MEF2A: variants seen among roughly 807,000 people sequenced by gnomAD.
MEF2A encodes myocyte enhancer factor 2A, also known as myocyte-specific enhancer factor 2A.
A neutral mutation model predicts 55.8 loss-of-function variants in MEF2A; 28 were observed. The observed-to-expected ratio is 0.50, with a 90% CI of 0.37 to 0.69. The LOEUF (loss-of-function observed/expected upper bound fraction) is 0.69, where lower values mean the gene tolerates loss of function less well. MEF2A is among the 30% of genes least tolerant of loss of function. The pLI is 0.00. For missense variants in MEF2A, 528 were observed against 626.2 expected (o/e 0.84, Z 1.67); for synonymous variants, 239 against 227.1 (o/e 1.05, Z -0.47).
In MEF2A at chr15:99,674,385, A is replaced by G. The variant is rs781586739; in HGVS notation, c.391-8A>G. On this transcript the variant is annotated splice_polypyrimidine_tract_variant and splice_region_variant and intron_variant, in intron 5 of 11. Transcript: ENST00000557942. ...AACAGTTTTTTCCTTCTTTTTCTTT[A>G]TTTACAGCCTGGTCTGCCACCTCAG... The G allele has an allele frequency of 3.2e-6, 5 of 1,584,958 alleles. No individual in the cohort carries two copies. In the South Asian group the frequency reaches 3.4e-5, roughly 11 times the overall value.
chr15:99,572,436 T>G (rs973245675), intron 1 of MEF2A, among the ~76,000 whole-genome samples: 2 of 152,228 alleles, frequency 1.3e-5, no homozygotes, highest in African/African-American at 4.8e-5. Context: ...ATTATTTCCT[T>G]CAAGACAATT....
At chr15:99,667,182 A>G (rs1258260204) in intron 4 of MEF2A, among the ~76,000 whole-genome samples, 1 of 152,060 alleles carries the variant, frequency 6.6e-6, no homozygotes, top group Non-Finnish European at 1.5e-5. Context: ...CACACTCGTA[A>G]GTGGTAAAAT....
intron 1 of MEF2A, among the ~76,000 whole-genome samples, chr15:99,567,626 A>AATGTGTGTGTGTGTGTGT (rs1567124507): frequency 3.6e-4 from 44 of 122,086 alleles, no homozygotes; most frequent in African/African-American, 1.3e-3. Flanking sequence ...TTTTGTATGT[A>AATGTGTGTGTGTGTGTGT]CTGTGTGTGT....
Position 99,712,533 on chromosome 15 carries a change from A to AGCCGCCGCC in MEF2A, c.1282_1283insCGCCGCCGC (p.Gln427_Gln428insProProPro), listed in dbSNP as rs1491470291. On this transcript the variant is annotated inframe_insertion, in exon 12 of 12. Transcript: ENST00000557942. This position sits in a 1 kb window ranked among gnomAD's most constrained non-coding sequence, Gnocchi z 4.1. ...CAGCAGCAGCAGCAGCAGCAGCAGC[A>AGCCGCCGCC]GCAGCCGCCGCCACCACCGCAGCCC... The AGCCGCCGCC allele has an allele frequency of 5.8e-6, 8 of 1,381,202 alleles. No individual in the cohort carries two copies. In the African/African-American group the frequency reaches 1.1e-4, roughly 20 times the overall value. 85.6% of individuals were successfully genotyped at this position (1,381,202 alleles called of 1,614,324 possible).
intron 2 of MEF2A, among the ~76,000 whole-genome samples, chr15:99,629,652 AG>A (rs1392561914): frequency 6.7e-6 from 1 of 150,248 alleles, no homozygotes; most frequent in East Asian, 2.0e-4. Context: ...AGGCAAAAGG[AG>A]AAAAAGGGAA....
In MEF2A at chr15:99,645,555, G is replaced by T; in HGVS notation, c.55-6G>T. 6.2e-7 allele frequency: 1 copy of T among 1,601,388 alleles called. No individual in the cohort carries two copies. The highest frequency in any genetic ancestry group is 1.1e-5 in the South Asian group (1 of 90,060). ...TTAATAAAAATATACCTTTTTTATT[G>T]TTTAGGTCACTTTTACAAAGAGAAA... On this transcript the variant is annotated splice_region_variant and splice_polypyrimidine_tract_variant and intron_variant, in intron 3 of 11. Coordinates refer to ENST00000557942, the MANE Select transcript of MEF2A (RefSeq NM_001319206.4).
At position 99,566,097 on chromosome 15, in the gene MEF2A, G is replaced by C. The variant is rs1461431558; in HGVS notation, c.-232G>C. 6.6e-6 allele frequency: 1 copy of C among 152,320 alleles called. No homozygotes were observed. The highest frequency in any genetic ancestry group is 2.4e-5 in the African/African-American group (1 of 41,398). The allele number at this position is 152,320 out of a possible 1,614,324, so 9.4% of individuals were successfully genotyped here. On this transcript the variant is annotated 5_prime_UTR_variant, in exon 1 of 12. Coordinates refer to ENST00000557942, the MANE Select transcript of MEF2A (RefSeq NM_001319206.4). ...GTGTGCGCGCCCGCCAGCTGCTCCG[G>C]AGATACGGTGAGGGCCGCGGGCAGC...
chr15:99,646,710 G>A (rs541197256), intron 4 of MEF2A, among the ~76,000 whole-genome samples: 9 of 152,066 alleles, frequency 5.9e-5, no homozygotes, highest in Non-Finnish European at 1.0e-4. Flanking sequence ...TGTTGTATAG[G>A]AATCTAATTT....
At chr15:99,648,791 T>TTGAGGATGTGCTG (rs1244102043) in intron 4 of MEF2A, among the ~76,000 whole-genome samples, 1 of 152,122 alleles carries the variant, frequency 6.6e-6, no homozygotes, top group Non-Finnish European at 1.5e-5. Context: ...CACAAGCCCT[T>TTGAGGATGTGCTG]TGAGGATGTG....
chr15:99,671,173 GAAGT>G, intron 4 of MEF2A, 146 bp from the exon 5 acceptor site: 3 of 645,672 alleles, frequency 4.6e-6, no homozygotes, highest in Non-Finnish European at 7.6e-6. Context: ...CTTATTTGAA[GAAGT>G]AAGTACATTT....
chr15:99,706,650 T>C (rs1415185045), intron 9 of MEF2A, 79 bp from the exon 10 acceptor site: 5 of 1,503,224 alleles, frequency 3.3e-6, no homozygotes, highest in South Asian at 2.3e-5. Context: ...CTGTGAAAAA[T>C]GTCACTTAAA....
chr15:99,619,506 T>C (rs905929294), intron 2 of MEF2A, among the ~76,000 whole-genome samples: 6 of 152,318 alleles, frequency 3.9e-5, no homozygotes, highest in Middle Eastern at 3.4e-3. Context: ...TGTAAGAATT[T>C]AAAAAGTTAT....
At chr15:99,642,763 C>T (rs2045263935) in intron 3 of MEF2A, among the ~76,000 whole-genome samples, 1 of 152,184 alleles carries the variant, frequency 6.6e-6, no homozygotes, top group South Asian at 2.1e-4. Flanking sequence ...TAGCACTAAT[C>T]AGAGGATCCT....
chr15:99,577,059 T>G (rs1964527636), intron 1 of MEF2A, among the ~76,000 whole-genome samples: 2 of 152,386 alleles, frequency 1.3e-5, no homozygotes, highest in Admixed American at 1.3e-4. Context: ...TACTGTTTCG[T>G]TCATTAGCAA....
At chr15:99,571,741 T>G (rs1596189811) in intron 1 of MEF2A, among the ~76,000 whole-genome samples, 1 of 152,104 alleles carries the variant, frequency 6.6e-6, no homozygotes, top group South Asian at 2.1e-4. Flanking sequence ...ACCTTCTTCC[T>G]ACCCCTAAAC....
intron 2 of MEF2A, among the ~76,000 whole-genome samples, chr15:99,629,565 C>G (rs202093062): frequency 2.5e-3 from 334 of 135,532 alleles, no homozygotes; most frequent in East Asian, 6.5e-3. Flanking sequence ...AAAGTTAGTC[C>G]TCTTTCCAAA....
At chr15:99,571,252 CTG>C (rs940473790) in intron 1 of MEF2A, among the ~76,000 whole-genome samples, 1 of 151,652 alleles carries the variant, frequency 6.6e-6, no homozygotes, top group African/African-American at 2.4e-5. Context: ...ACTGTTCTTA[CTG>C]TGTTCTTATT....
At chr15:99,613,495 A>T (rs1298535278) in intron 2 of MEF2A, among the ~76,000 whole-genome samples, 4 of 152,212 alleles carry the variant, frequency 2.6e-5, no homozygotes, top group Non-Finnish European at 5.9e-5. Flanking sequence ...TAATCTAGCA[A>T]TTGTGATTCC....
intron 10 of MEF2A, among the ~76,000 whole-genome samples, chr15:99,710,432 G>A (rs1209496208): frequency 3.3e-5 from 5 of 152,226 alleles, no homozygotes; most frequent in East Asian, 3.9e-4. Context: ...TAGCAGATAC[G>A]GGGTTTCACC....
Sources: gnomAD v4.1 joint callset for allele counts (sites outside exome capture counted in the v4.1 genomes callset) on GRCh38, gnomAD v4.1.1 for gene constraint, Gnocchi (gnomAD v3.1) non-coding constraint, MANE v1.5 for transcripts, NCBI Gene and HGNC (gene_info 2026-07-23, HGNC 2026-07-21) for gene names.